TMC1: variants seen among roughly 807,000 people sequenced by gnomAD.
TMC1 encodes the protein transmembrane channel-like protein 1.
TMC1 carries 84 observed loss-of-function variants against 105.8 expected under a neutral mutation model. The observed-to-expected ratio is 0.79, with a 90% CI of 0.67 to 0.95. The LOEUF is 0.95. Among genes scored for constraint, TMC1 ranks in the 40% least tolerant of loss-of-function variants. TMC1 has a pLI of 0.00. For synonymous variants in TMC1, 315 were observed against 311.5 expected, an observed-to-expected ratio of 1.01 and a Z score of -0.12; for missense variants, 817 against 914.1, an observed-to-expected ratio of 0.89 and a Z score of 1.37.
At chr9:72,651,361 C>T (rs1283862718) in intron 5 of TMC1, 4 of 152,142 alleles carry the variant, frequency 2.6e-5, no homozygotes, top group East Asian at 1.9e-4. Flanking sequence ...GTTGTATTAT[C>T]GAGCTCCTTC....
chr9:72,788,843 G>GC (rs1554727808), intron 14 of TMC1, among the ~76,000 whole-genome samples: 3 of 149,042 alleles, frequency 2.0e-5, no homozygotes, highest in Non-Finnish European at 4.5e-5. Flanking sequence ...TTATTTTGTA[G>GC]TTTTTTTTTT....
intron 5 of TMC1, among the ~76,000 whole-genome samples, chr9:72,687,310 C>T (rs1047521832): frequency 6.6e-6 from 1 of 152,138 alleles, no homozygotes; most frequent in African/African-American, 2.4e-5. Context: ...CAATGTTAAT[C>T]TTATATCATT....
At chr9:72,617,203 G>A (rs182624353) in intron 3 of TMC1, among the ~76,000 whole-genome samples, 52 of 151,834 alleles carry the variant, frequency 3.4e-4, no homozygotes, top group Admixed American at 1.8e-3. Flanking sequence ...GCTCTGTTGC[G>A]CAGGCTGGAG....
At chr9:72,593,236 A>C (rs1333024981) in intron 2 of TMC1, among the ~76,000 whole-genome samples, 4 of 152,142 alleles carry the variant, frequency 2.6e-5, no homozygotes, top group Non-Finnish European at 5.9e-5. Flanking sequence ...CATTTCAGAA[A>C]ACAGAAACAG....
At chr9:72,642,212 G>A (rs973454812) in intron 4 of TMC1, among the ~76,000 whole-genome samples, 2 of 152,142 alleles carry the variant, frequency 1.3e-5, no homozygotes, top group African/African-American at 2.4e-5. Flanking sequence ...ATGCTCAGCT[G>A]TGATTTTCTG....
At chr9:72,693,119 C>A (rs1198069505) in intron 6 of TMC1, among the ~76,000 whole-genome samples, 118 of 132,502 alleles carry the variant, frequency 8.9e-4, no homozygotes, top group Non-Finnish European at 7.3e-4. Context: ...AATTGTGTCT[C>A]AAAAAAAAAA....
chr9:72,723,713 C>T (rs866896625), intron 8 of TMC1, among the ~76,000 whole-genome samples: 4 of 152,004 alleles, frequency 2.6e-5, no homozygotes, highest in Non-Finnish European at 5.9e-5. Context: ...GTTTTGAAAA[C>T]GTTCTCAATT....
intron 8 of TMC1, among the ~76,000 whole-genome samples, chr9:72,723,253 A>G (rs990543578): frequency 2.0e-5 from 3 of 147,346 alleles, no homozygotes; most frequent in Admixed American, 6.8e-5. Context: ...CTTTCCTCCC[A>G]AATCTGTTAG....
At chr9:72,692,177 G>T (rs961391475) in intron 6 of TMC1, among the ~76,000 whole-genome samples, 1 of 152,182 alleles carries the variant, frequency 6.6e-6, no homozygotes, top group Admixed American at 6.5e-5. Flanking sequence ...CTAACCAGAG[G>T]TCTTTTCCTG....
intron 1 of TMC1, among the ~76,000 whole-genome samples, chr9:72,522,260 C>T (rs1463826697): frequency 6.6e-6 from 1 of 151,822 alleles, no homozygotes; most frequent in East Asian, 1.9e-4. Context: ...CGCCATCACG[C>T]CCGGCTAATT....
chr9:72,593,664 T>C (rs1187902210), intron 2 of TMC1, among the ~76,000 whole-genome samples: 1 of 151,338 alleles, frequency 6.6e-6, no homozygotes, highest in African/African-American at 2.4e-5. Context: ...AGTGCTGGGA[T>C]TACAGGCATG....
intron 10 of TMC1, among the ~76,000 whole-genome samples, chr9:72,749,993 G>C (rs561157272): frequency 6.6e-6 from 1 of 152,214 alleles, no homozygotes; most frequent in East Asian, 1.9e-4. Context: ...TGTAATCCCA[G>C]CTACTCAGGA....
chr9:72,654,726 A>G (rs1825859367), intron 5 of TMC1, among the ~76,000 whole-genome samples: 1 of 152,078 alleles, frequency 6.6e-6, no homozygotes, highest in Admixed American at 6.5e-5. Flanking sequence ...AAATTCTTTA[A>G]AAGAGATTTT....
chr9:72,724,355 T>G (rs997178502), intron 8 of TMC1, among the ~76,000 whole-genome samples: 3 of 152,168 alleles, frequency 2.0e-5, no homozygotes, highest in Admixed American at 6.5e-5. Context: ...ATTTATCTTT[T>G]TATCAGGAGC....
At chr9:72,707,447 C>G (rs1395378039) in intron 8 of TMC1, among the ~76,000 whole-genome samples, 2 of 152,134 alleles carry the variant, frequency 1.3e-5, no homozygotes, top group Non-Finnish European at 2.9e-5. Flanking sequence ...TTGATTATGG[C>G]CATTCTTGCA....
At chr9:72,619,825 A>AT (rs1825211211) in intron 3 of TMC1, among the ~76,000 whole-genome samples, 1 of 150,644 alleles carries the variant, frequency 6.6e-6, no homozygotes, top group Non-Finnish European at 1.5e-5. Flanking sequence ...TAATTAATTA[A>AT]TTAATTAATT....
intron 1 of TMC1, among the ~76,000 whole-genome samples, chr9:72,565,072 G>T (rs1057351785): frequency 4.6e-5 from 7 of 152,216 alleles, no homozygotes; most frequent in African/African-American, 1.7e-4. Context: ...TTAGGAAAAA[G>T]AAGTGATTTA....
At chr9:72,600,809 A>G (rs1395134451) in intron 2 of TMC1, among the ~76,000 whole-genome samples, 1 of 152,224 alleles carries the variant, frequency 6.6e-6, no homozygotes, top group Non-Finnish European at 1.5e-5. Context: ...CGTTCAGTGC[A>G]TACCAGAATC....
chr9:72,531,582 T>C (rs982533724), intron 1 of TMC1, among the ~76,000 whole-genome samples: 1 of 152,218 alleles, frequency 6.6e-6, no homozygotes. Context: ...CTCTCTTATA[T>C]ACTATGGAGC....
Sources: gnomAD v4.1 joint callset for allele counts (sites outside exome capture counted in the v4.1 genomes callset) on GRCh38, gnomAD v4.1.1 for gene constraint, MANE v1.5 for transcripts, NCBI Gene and HGNC (gene_info 2026-07-23, HGNC 2026-07-21) for gene names.